Variants in TMEM163 observed in about 807,000 individuals in gnomAD.
TMEM163 encodes transmembrane protein 163.
A neutral mutation model predicts 29.3 loss-of-function variants in TMEM163; 17 were observed. The ratio of observed to expected loss-of-function variants is 0.58; its 90% confidence interval spans 0.40 to 0.87. The LOEUF is 0.87. Among genes scored for constraint, TMEM163 ranks in the 40% least tolerant of loss-of-function variants. The probability of loss-of-function intolerance (pLI) is 0.00; values close to 1 mark genes in which losing one functional copy is unlikely to be tolerated. For synonymous variants in TMEM163, 157 were observed against 160.6 expected (o/e 0.98, Z 0.17); for missense variants, 303 against 381.5 (o/e 0.79, Z 1.71).
At chr2:134,690,268 T>G (rs1684434459) in intron 2 of TMEM163, among the ~76,000 whole-genome samples, 2 of 150,708 alleles carry the variant, frequency 1.3e-5, no homozygotes, top group Admixed American at 1.3e-4. Flanking sequence ...CATCAAGTTA[T>G]CAAACTTTAC....
At chr2:134,518,448 A>T (rs890096419) in intron 4 of TMEM163, among the ~76,000 whole-genome samples, 1 of 152,228 alleles carries the variant, frequency 6.6e-6, no homozygotes, top group Admixed American at 6.5e-5. Context: ...CACACCCATT[A>T]TCATCCTGCC....
At chr2:134,645,514 A>C (rs557908227) in intron 2 of TMEM163, among the ~76,000 whole-genome samples, 1 of 152,258 alleles carries the variant, frequency 6.6e-6, no homozygotes, top group East Asian at 1.9e-4. Context: ...AAGAACCTGT[A>C]TGCAAGTATT....
chr2:134,571,298 C>T (rs1681421186), intron 2 of TMEM163, among the ~76,000 whole-genome samples: 1 of 152,154 alleles, frequency 6.6e-6, no homozygotes, highest in Admixed American at 6.5e-5. Context: ...CCCTTTCTTG[C>T]TTGTGTTTCT....
At chr2:134,674,504 CGCGCGCTACCATATCT>C (rs145612848) in intron 2 of TMEM163, among the ~76,000 whole-genome samples, 83,238 of 149,488 alleles carry the variant, frequency 0.56, 24,230 homozygotes, top group African/African-American at 0.68. Flanking sequence ...CGCGCGCGCG[CGCGCGCTACCATATCT>C]GGCTAATTTT....
chr2:134,592,869 G>GATATAGATAGATAGATAGATAGATAGAT lies in TMEM163; in HGVS notation c.323-40779_323-40778insATCTATCTATCTATCTATCTATCTATAT, dbSNP rs147345127. Among the ~76,000 whole-genome samples the GATATAGATAGATAGATAGATAGATAGAT allele has an allele frequency of 1.8e-3, 274 of 148,200 alleles. 3 individuals carry two copies. The highest frequency in any genetic ancestry group is 5.4e-3 in the African/African-American group (214 of 39,852). ...ATATAGAGATACAGATATTAATATA[G>GATATAGATAGATAGATAGATAGATAGAT]AGATAGATAGATAGATAGATAGACC... is the stretch of plus-strand genomic sequence containing the variant. On this transcript the variant is annotated intron_variant, in intron 2 of 7. Transcript: ENST00000281924.
intron 2 of TMEM163, among the ~76,000 whole-genome samples, chr2:134,711,455 CATG>C (rs1193230115): frequency 1.3e-5 from 2 of 152,160 alleles, no homozygotes; most frequent in Non-Finnish European, 2.9e-5. Context: ...TAACACAAAT[CATG>C]ATATTATATG....
At chr2:134,590,655 G>A (rs1681916698) in intron 2 of TMEM163, among the ~76,000 whole-genome samples, 1 of 152,162 alleles carries the variant, frequency 6.6e-6, no homozygotes, top group Admixed American at 6.5e-5. Context: ...CAGCCCTGAG[G>A]GCTGCTGGTA....
intron 6 of TMEM163, among the ~76,000 whole-genome samples, chr2:134,462,036 G>A (rs565059073): frequency 6.6e-6 from 1 of 152,346 alleles, no homozygotes; most frequent in Admixed American, 6.5e-5. Context: ...ACAATTAGCA[G>A]GAGGCTGTAA....
chr2:134,645,834 T>C (rs1040313609), intron 2 of TMEM163, among the ~76,000 whole-genome samples: 2 of 152,308 alleles, frequency 1.3e-5, no homozygotes, highest in Non-Finnish European at 2.9e-5. Flanking sequence ...ATAAAGTGAC[T>C]TTTGGGGGAT....
chr2:134,472,300 C>G (rs1157806571), intron 5 of TMEM163, among the ~76,000 whole-genome samples: 1 of 152,020 alleles, frequency 6.6e-6, no homozygotes, highest in African/African-American at 2.4e-5. Flanking sequence ...TCATGGAAAT[C>G]TAGAGGAAAA....
intron 2 of TMEM163, among the ~76,000 whole-genome samples, chr2:134,615,682 A>T (rs1240700897): frequency 3.0e-5 from 4 of 132,868 alleles, no homozygotes; most frequent in Non-Finnish European, 4.7e-5. Flanking sequence ...TTTGAGATGG[A>T]ATCTGGCTCT....
intron 4 of TMEM163, among the ~76,000 whole-genome samples, chr2:134,520,548 T>A (rs1471603009): frequency 5.9e-5 from 9 of 152,246 alleles, no homozygotes; most frequent in African/African-American, 1.9e-4. Context: ...ATTAGCAAAG[T>A]GCCTGGCACA....
intron 4 of TMEM163, among the ~76,000 whole-genome samples, chr2:134,511,963 G>C (rs1000320092): frequency 3.9e-5 from 6 of 152,218 alleles, no homozygotes; most frequent in Admixed American, 3.3e-4. Context: ...ATGGGGAATA[G>C]AAGCCTGCTT....
intron 5 of TMEM163, among the ~76,000 whole-genome samples, chr2:134,490,698 C>A (rs1679409028): frequency 6.6e-6 from 1 of 152,136 alleles, no homozygotes; most frequent in South Asian, 2.1e-4. Flanking sequence ...TGGTCACAGG[C>A]AGAAAACTCC....
chr2:134,519,812 C>A (rs10189431), intron 4 of TMEM163, among the ~76,000 whole-genome samples: 27,915 of 150,064 alleles, frequency 0.19, 3,223 homozygotes, highest in African/African-American at 0.3. Flanking sequence ...ATCGCCTGAA[C>A]CTGGGAGGTG....
At chr2:134,517,382 C>T (rs943153538) in intron 4 of TMEM163, among the ~76,000 whole-genome samples, 1 of 152,110 alleles carries the variant, frequency 6.6e-6, no homozygotes, top group Non-Finnish European at 1.5e-5. Flanking sequence ...AAATAGAGAG[C>T]TGGAGACAGT....
chr2:134,624,811 A>G (rs750903777), intron 2 of TMEM163, among the ~76,000 whole-genome samples: 1 of 152,088 alleles, frequency 6.6e-6, no homozygotes, highest in African/African-American at 2.4e-5. Flanking sequence ...CAGGAGGCTG[A>G]GGCAGGAGAA....
rs182303409 is a variant in TMEM163, at chr2:134,678,237, G to A, written c.322+34963C>T. 4.2e-4 allele frequency among the ~76,000 whole-genome samples: 64 copies of A among 152,220 alleles called. 1 individual carries two copies. Among genetic ancestry groups the A allele is most frequent in the Admixed American group, 2.5e-3 (38 of 15,292 alleles). ...GCCACAGAGTGACTGCAGGAACTCCGAGGCTTTACATCCGAGGGGTGCGAG... is the reference window on the plus strand; with the variant it reads ...GCCACAGAGTGACTGCAGGAACTCCAAGGCTTTACATCCGAGGGGTGCGAG... On this transcript the variant is annotated intron_variant, in intron 2 of 7. Coordinates refer to ENST00000281924, the MANE Select transcript of TMEM163 (RefSeq NM_030923.5).
chr2:134,616,518 C>G (rs1394682023), intron 2 of TMEM163, among the ~76,000 whole-genome samples: 1 of 152,152 alleles, frequency 6.6e-6, no homozygotes, highest in Non-Finnish European at 1.5e-5. Flanking sequence ...TTTCCAAAAC[C>G]CCCAGTTCTT....
Sources: gnomAD v4.1 joint callset for allele counts (sites outside exome capture counted in the v4.1 genomes callset) on GRCh38, gnomAD v4.1.1 for gene constraint, MANE v1.5 for transcripts, NCBI Gene and HGNC (gene_info 2026-07-23, HGNC 2026-07-21) for gene names.